Variants in GULP1 observed in about 807,000 individuals in gnomAD.
GULP1 encodes the protein PTB domain-containing engulfment adapter protein 1.
A neutral mutation model predicts 40.9 loss-of-function variants in GULP1; 19 were observed. That is an observed-to-expected ratio of 0.46 (90% confidence interval 0.32 to 0.68). The LOEUF (loss-of-function observed/expected upper bound fraction) is 0.68, where lower values mean the gene tolerates loss of function less well. GULP1 is among the 30% of genes least tolerant of loss of function. GULP1 has a pLI of 0.03. For synonymous variants in GULP1, 119 were observed against 117.6 expected, an observed-to-expected ratio of 1.01 and a Z score of -0.08; for missense variants, 312 against 362.2, an observed-to-expected ratio of 0.86 and a Z score of 1.12.
At chr2:188,303,316 A>G (rs2036472468) in intron 1 of GULP1, among the ~76,000 whole-genome samples, 1 of 152,302 alleles carries the variant, frequency 6.6e-6, no homozygotes, top group South Asian at 2.1e-4. Flanking sequence ...ATTTTGGAGT[A>G]TTATTGCTCG....
chr2:188,423,725 G>T (rs1344035257), intron 2 of GULP1, among the ~76,000 whole-genome samples: 1 of 151,516 alleles, frequency 6.6e-6, no homozygotes, highest in Non-Finnish European at 1.5e-5. Context: ...TTTCAGATGA[G>T]GTAACAGAAA....
intron 1 of GULP1, among the ~76,000 whole-genome samples, chr2:188,328,132 A>T (rs991167263): frequency 1.3e-5 from 2 of 152,140 alleles, no homozygotes; most frequent in Non-Finnish European, 2.9e-5. Flanking sequence ...ATAATAACAT[A>T]TCTGATTACC....
intron 2 of GULP1, among the ~76,000 whole-genome samples, chr2:188,455,223 C>T (rs930843394): frequency 1.3e-5 from 2 of 152,092 alleles, no homozygotes; most frequent in African/African-American, 4.8e-5. Context: ...GTGCATATTT[C>T]CCCTTTGGTC....
chr2:188,524,285 C>T (rs895036143), intron 5 of GULP1, among the ~76,000 whole-genome samples: 7 of 152,044 alleles, frequency 4.6e-5, no homozygotes, highest in African/African-American at 1.4e-4. Context: ...GCTTTCTAAA[C>T]AATGACGAGT....
intron 4 of GULP1, among the ~76,000 whole-genome samples, chr2:188,513,076 G>T (rs948624620): frequency 1.3e-5 from 2 of 152,026 alleles, no homozygotes; most frequent in African/African-American, 4.8e-5. Flanking sequence ...ACATTGAGTG[G>T]AGAGATACAT....
At chr2:188,528,041 A>G (rs745412660) in intron 5 of GULP1, among the ~76,000 whole-genome samples, 2 of 152,176 alleles carry the variant, frequency 1.3e-5, no homozygotes, top group Non-Finnish European at 2.9e-5. Flanking sequence ...AAGAGGGGCA[A>G]GAAATTCTTT....
intron 1 of GULP1, among the ~76,000 whole-genome samples, chr2:188,363,377 C>T (rs1010195636): frequency 2.0e-5 from 3 of 152,002 alleles, no homozygotes; most frequent in African/African-American, 7.2e-5. Context: ...GGCTGTGCAT[C>T]AAGAATTAAT....
intron 9 of GULP1, among the ~76,000 whole-genome samples, chr2:188,579,021 T>C (rs1700742057): frequency 6.6e-6 from 1 of 152,146 alleles, no homozygotes. Context: ...CCTTATTGAA[T>C]AGGCCTAACC....
At chr2:188,320,416 G>T (rs1045484098) in intron 1 of GULP1, among the ~76,000 whole-genome samples, 12 of 152,094 alleles carry the variant, frequency 7.9e-5, no homozygotes, top group Admixed American at 2.6e-4. Context: ...TACATGGAAA[G>T]AATATTCACT....
chr2:188,455,514 A>C (rs1375356340), intron 2 of GULP1, among the ~76,000 whole-genome samples: 1 of 152,102 alleles, frequency 6.6e-6, no homozygotes, highest in Admixed American at 6.5e-5. Context: ...TGCCATCCAC[A>C]CAGGATGTGA....
intron 2 of GULP1, among the ~76,000 whole-genome samples, chr2:188,417,131 A>G (rs1046095531): frequency 1.3e-5 from 2 of 152,166 alleles, no homozygotes; most frequent in Non-Finnish European, 2.9e-5. Flanking sequence ...GTGCTGTCAA[A>G]GTAGTGTCAG....
At chr2:188,481,125 C>A (rs1433807579) in intron 3 of GULP1, among the ~76,000 whole-genome samples, 2 of 151,802 alleles carry the variant, frequency 1.3e-5, no homozygotes, top group Non-Finnish European at 2.9e-5. Context: ...GAAATGTTGG[C>A]ATTTTCCTTC....
In GULP1 at chr2:188,343,330, CATACTTAAAGCAATCA is replaced by C. The variant is rs1295008328; in HGVS notation, c.-171-40426_-171-40411del. Among the ~76,000 whole-genome samples the C allele has an allele frequency of 2.0e-5, 3 of 151,764 alleles. No individual in the cohort carries two copies. In the South Asian group the frequency reaches 6.2e-4, roughly 31 times the overall value. On this transcript the variant is annotated intron_variant, in intron 1 of 11. Coordinates refer to ENST00000409830, the MANE Select transcript of GULP1 (RefSeq NM_016315.4). Reference sequence around the variant, plus strand: ...AACCAAGAAGGATAGGTGATCTATACATACTTAAAGCAATCAATACTTTTTTTTTACACAAAATTAA... The same window carrying C: ...AACCAAGAAGGATAGGTGATCTATACATACTTTTTTTTTACACAAAATTAA...
chr2:188,373,045 A>G (rs77885172), intron 1 of GULP1, among the ~76,000 whole-genome samples: 1,901 of 150,248 alleles, frequency 0.013, 23 homozygotes, highest in South Asian at 0.057. Flanking sequence ...ATATTCATTT[A>G]TATCACAGTG....
intron 4 of GULP1, among the ~76,000 whole-genome samples, chr2:188,505,460 A>G (rs1209393180): frequency 1.3e-5 from 2 of 151,824 alleles, no homozygotes; most frequent in African/African-American, 4.8e-5. Flanking sequence ...ATAACTCCAT[A>G]CTATGAAGCA....
chr2:188,305,896 G>A (rs140383371), intron 1 of GULP1, among the ~76,000 whole-genome samples: 243 of 152,168 alleles, frequency 1.6e-3, no homozygotes, highest in Non-Finnish European at 2.5e-3. Flanking sequence ...TCCTGCTTCC[G>A]TCTCCTGAGT....
intron 2 of GULP1, among the ~76,000 whole-genome samples, chr2:188,459,226 G>T (rs1209683079): frequency 6.6e-6 from 1 of 152,084 alleles, no homozygotes; most frequent in African/African-American, 2.4e-5. Context: ...TGGGATTGCT[G>T]GAACATATGG....
chr2:188,522,919 G>C (rs1685210344), intron 5 of GULP1, 92 bp downstream of exon 5: 5 of 772,540 alleles, frequency 6.5e-6, no homozygotes, highest in Non-Finnish European at 1.2e-5. Context: ...CAGCTTTGCT[G>C]CAGGTATAGC....
chr2:188,343,212 A>C (rs1464891818), intron 1 of GULP1, among the ~76,000 whole-genome samples: 2 of 152,212 alleles, frequency 1.3e-5, no homozygotes, highest in Admixed American at 1.3e-4. Context: ...GGGTGACCAC[A>C]GCCTGTTGAT....
Sources: gnomAD v4.1 joint callset for allele counts (sites outside exome capture counted in the v4.1 genomes callset) on GRCh38, gnomAD v4.1.1 for gene constraint, MANE v1.5 for transcripts, NCBI Gene and HGNC (gene_info 2026-07-23, HGNC 2026-07-21) for gene names.